APBA1: variants seen among roughly 807,000 people sequenced by gnomAD.
APBA1 encodes amyloid beta precursor protein binding family A member 1.
APBA1 carries 55 observed loss-of-function variants against 86.6 expected under a neutral mutation model. The observed-to-expected ratio is 0.64, with a 90% CI of 0.51 to 0.80. The LOEUF (loss-of-function observed/expected upper bound fraction) is 0.80. Ranked by LOEUF, APBA1 falls within the 30% of genes least tolerant of loss-of-function variation. The probability of loss-of-function intolerance (pLI) is 0.00; values close to 1 mark genes in which losing one functional copy is unlikely to be tolerated. For synonymous variants in APBA1, 511 were observed against 493.9 expected, an observed-to-expected ratio of 1.03 and a Z score of -0.46; for missense variants, 1,090 against 1,183.0, an observed-to-expected ratio of 0.92 and a Z score of 1.15.
chr9:69,474,584 T>C (rs971554347), intron 3 of APBA1, among the ~76,000 whole-genome samples: 6 of 152,208 alleles, frequency 3.9e-5, no homozygotes, highest in Non-Finnish European at 7.3e-5. Flanking sequence ...GATATAAGAA[T>C]GAAGCAAACT....
chr9:69,611,338 C>T (rs1008624020), intron 1 of APBA1, among the ~76,000 whole-genome samples: 5 of 150,936 alleles, frequency 3.3e-5, no homozygotes, highest in Non-Finnish European at 7.4e-5. Flanking sequence ...AAAATGCTTC[C>T]CTGCTCACAC....
At chr9:69,564,458 G>A (rs1000266154) in intron 1 of APBA1, among the ~76,000 whole-genome samples, 2 of 152,144 alleles carry the variant, frequency 1.3e-5, no homozygotes. Context: ...GCTGGACATT[G>A]CTTTTACTTT....
At chr9:69,468,010 G>A in intron 4 of APBA1, 42 bp from the exon 5 acceptor site, 1 of 1,600,650 alleles carries the variant, frequency 6.2e-7, no homozygotes, top group Non-Finnish European at 8.5e-7. Context: ...ATCCTGGGGT[G>A]GGGCCTGCCA....
chr9:69,502,046 C>G (rs967403535), intron 2 of APBA1, among the ~76,000 whole-genome samples: 1 of 152,148 alleles, frequency 6.6e-6, no homozygotes, highest in African/African-American at 2.4e-5. Context: ...CACATATATA[C>G]TGTCTGGTGA....
intron 1 of APBA1, among the ~76,000 whole-genome samples, chr9:69,520,016 C>T (rs772851724): frequency 6.6e-6 from 1 of 151,972 alleles, no homozygotes; most frequent in Non-Finnish European, 1.5e-5. Flanking sequence ...CTCCTTATAC[C>T]CCCATCCACA....
chr9:69,492,971 G>A (rs1835738129), intron 2 of APBA1, among the ~76,000 whole-genome samples: 3 of 152,094 alleles, frequency 2.0e-5, no homozygotes, highest in Admixed American at 6.5e-5. Context: ...GTAATTTCAC[G>A]TATGTAGAAC....
rs552802401 is a variant in APBA1 at position 69,630,276 on chromosome 9, G to A, written c.-70+41877C>T. On this transcript the variant is annotated intron_variant, in intron 1 of 12. Coordinates refer to ENST00000265381, the MANE Select transcript of APBA1 (RefSeq NM_001163.4). ...AGAATGACTGGGCATAACGATCAGG[G>A]GACGGGGCCAGCAACATGGGCAGGG... Among the ~76,000 whole-genome samples, 28 of 152,220 alleles carry A rather than the reference G, an allele frequency of 1.8e-4. 1 individual carries two copies. The South Asian group carries it at 5.8e-3, about 32-fold the overall frequency.
At chr9:69,475,346 T>C (rs906268250) in intron 3 of APBA1, among the ~76,000 whole-genome samples, 8 of 152,180 alleles carry the variant, frequency 5.3e-5, no homozygotes, top group African/African-American at 1.9e-4. Context: ...AAAACTTCAG[T>C]TCCTCAGTTA....
At chr9:69,499,023 C>T (rs760264441) in intron 2 of APBA1, among the ~76,000 whole-genome samples, 4 of 152,084 alleles carry the variant, frequency 2.6e-5, no homozygotes, top group Non-Finnish European at 5.9e-5. Flanking sequence ...GTCCCAGCAG[C>T]GGGTCCTTTG....
chr9:69,432,508 A>G, intron 12 of APBA1, 28 bp downstream of exon 12: 1 of 1,490,618 alleles, frequency 6.7e-7, no homozygotes, highest in Non-Finnish European at 9.0e-7. Context: ...GGCCCTCAGC[A>G]CCACCCTCAG....
chr9:69,576,243 C>G (rs1821793670), intron 1 of APBA1, among the ~76,000 whole-genome samples: 1 of 152,146 alleles, frequency 6.6e-6, no homozygotes, highest in African/African-American at 2.4e-5. Flanking sequence ...AATAGGAACA[C>G]TTTTACACTG....
rs1295268186 is a variant in APBA1, at chr9:69,494,862, T to TC, written c.1201-18720dup. On this transcript the variant is annotated intron_variant, in intron 2 of 12. Transcript: ENST00000265381. Reference sequence around the variant, plus strand: ...ATTTACAGAAGGCTTACTATGTGTGTCAGGCACTGTACAAGGGTACATTAT... The same window carrying TC: ...ATTTACAGAAGGCTTACTATGTGTGTCCAGGCACTGTACAAGGGTACATTAT... Among the ~76,000 whole-genome samples, 4 of 152,264 alleles carry TC rather than the reference T, an allele frequency of 2.6e-5. No individual in the cohort carries two copies. In the East Asian group the frequency reaches 5.8e-4, roughly 22 times the overall value.
chr9:69,593,976 C>T lies in APBA1; in HGVS notation c.-69-76697G>A, dbSNP rs1822180893. Among the ~76,000 whole-genome samples, 5 of 152,148 alleles carry T rather than the reference C, an allele frequency of 3.3e-5. No homozygotes were observed. In the South Asian group the frequency reaches 8.3e-4, roughly 25 times the overall value. On this transcript the variant is annotated intron_variant, in intron 1 of 12. Coordinates refer to ENST00000265381, the MANE Select transcript of APBA1 (RefSeq NM_001163.4). ...AGTTGGACTGAATGCATTTTTATTA[C>T]ATTTGCATAACAGCAGAGGCGTTGG...
At chr9:69,467,722 A>G (rs1835300693) in intron 5 of APBA1, 101 bp downstream of exon 5, 4 of 1,475,824 alleles carry the variant, frequency 2.7e-6, no homozygotes, top group Non-Finnish European at 3.7e-6. Flanking sequence ...ATCTCAAACC[A>G]CTCTCCTCTA....
chr9:69,533,017 C>T (rs1836456443), intron 1 of APBA1, among the ~76,000 whole-genome samples: 1 of 152,100 alleles, frequency 6.6e-6, no homozygotes, highest in African/African-American at 2.4e-5. Context: ...AACTAAAATG[C>T]CCATCATTAG....
chr9:69,581,879 C>A (rs986756607), intron 1 of APBA1, among the ~76,000 whole-genome samples: 1 of 152,094 alleles, frequency 6.6e-6, no homozygotes, highest in Non-Finnish European at 1.5e-5. Flanking sequence ...TTTGTGAGGG[C>A]ACACTGTGGA....
At chr9:69,557,576 C>T (rs1184136803) in intron 1 of APBA1, among the ~76,000 whole-genome samples, 1 of 152,182 alleles carries the variant, frequency 6.6e-6, no homozygotes, top group Non-Finnish European at 1.5e-5. Flanking sequence ...CCTTTCCCTT[C>T]TTTGAACACA....
At chr9:69,601,384 A>T (rs887276069) in intron 1 of APBA1, among the ~76,000 whole-genome samples, 1 of 152,230 alleles carries the variant, frequency 6.6e-6, no homozygotes, top group Non-Finnish European at 1.5e-5. Flanking sequence ...ATATAGGAAG[A>T]TATATTTTTA....
At chr9:69,456,166 G>A (rs763052209) in intron 8 of APBA1, 81 bp downstream of exon 8, 21 of 1,408,182 alleles carry the variant, frequency 1.5e-5, no homozygotes, top group Non-Finnish European at 2.1e-5. Flanking sequence ...CATGCATCAT[G>A]TGTGATGAAT....
Sources: gnomAD v4.1 joint callset for allele counts (sites outside exome capture counted in the v4.1 genomes callset) on GRCh38, gnomAD v4.1.1 for gene constraint, MANE v1.5 for transcripts, NCBI Gene and HGNC (gene_info 2026-07-23, HGNC 2026-07-21) for gene names.